PTPRN2: variants seen among roughly 807,000 people sequenced by gnomAD.
PTPRN2 encodes protein tyrosine phosphatase receptor type N2.
PTPRN2 carries 74 observed loss-of-function variants against 118.8 expected under a neutral mutation model. The observed-to-expected ratio is 0.62, with a 90% confidence interval of 0.52 to 0.76. PTPRN2 has a LOEUF of 0.76. Ranked by LOEUF, PTPRN2 falls within the 30% of genes least tolerant of loss-of-function variation. PTPRN2 has a pLI of 0.00. For missense variants in PTPRN2, 1,481 were observed against 1,394.4 expected (o/e 1.06, Z -0.99); for synonymous variants, 641 against 608.0 (o/e 1.05, Z -0.80).
intron 2 of PTPRN2, among the ~76,000 whole-genome samples, chr7:158,364,005 C>T (rs922193024): frequency 2.6e-5 from 4 of 152,174 alleles, no homozygotes; most frequent in East Asian, 1.9e-4. Context: ...TCCTGCCGGA[C>T]GCTGTTTCAT....
At chr7:158,586,702 TCC>T (rs1828943224) in intron 1 of PTPRN2, among the ~76,000 whole-genome samples, 2 of 152,134 alleles carry the variant, frequency 1.3e-5, no homozygotes, top group South Asian at 2.1e-4. Context: ...CTCCCTTTCC[TCC>T]CGCGGCTGCC....
chr7:157,834,710 G>A (rs1226356347), intron 12 of PTPRN2, among the ~76,000 whole-genome samples: 1 of 152,240 alleles, frequency 6.6e-6, no homozygotes, highest in Non-Finnish European at 1.5e-5. Context: ...ACGGGGCTGC[G>A]GGCCCAGCCT....
intron 6 of PTPRN2, among the ~76,000 whole-genome samples, chr7:158,163,019 T>A (rs2150575757): frequency 6.6e-6 from 1 of 152,298 alleles, no homozygotes; most frequent in African/African-American, 2.4e-5. Flanking sequence ...TTGCTCTTTG[T>A]GTGTTGAGAA....
chr7:158,344,099 A>T (rs2151246219), intron 2 of PTPRN2, among the ~76,000 whole-genome samples: 1 of 152,042 alleles, frequency 6.6e-6, no homozygotes, highest in Non-Finnish European at 1.5e-5. Context: ...TTCCAAAAAC[A>T]CAAAATGTCC....
chr7:158,331,279 C>T (rs62480882), intron 2 of PTPRN2, among the ~76,000 whole-genome samples: 2,766 of 59,638 alleles, frequency 0.046, 1 homozygote, highest in Middle Eastern at 0.094. Flanking sequence ...AGCTGACACC[C>T]GCAGACGTCA....
chr7:158,413,892 C>G (rs1329577350), intron 2 of PTPRN2, among the ~76,000 whole-genome samples: 1 of 152,104 alleles, frequency 6.6e-6, no homozygotes, highest in Admixed American at 6.5e-5. Flanking sequence ...GTAATCCCAG[C>G]ACTTTGGGAG....
chr7:158,320,118 C>T lies in PTPRN2; in HGVS notation c.164-3186G>A, dbSNP rs1028850110. 7.0e-5 allele frequency among the ~76,000 whole-genome samples: 6 copies of T among 86,024 alleles called. 2 individuals carry two copies. The highest frequency in any genetic ancestry group is 4.5e-4 in the Admixed American group (4 of 8,932). 56.4% of individuals were successfully genotyped at this position (86,024 alleles called of 152,430 possible). On this transcript the variant is annotated intron_variant, in intron 2 of 22. Coordinates refer to ENST00000389418, the MANE Select transcript of PTPRN2 (RefSeq NM_002847.5). ...TCACATAGTCTCCCTCACACACACA[C>T]ACAGCCTCCCTCACACACACAGCCT...
intron 11 of PTPRN2, among the ~76,000 whole-genome samples, chr7:157,925,379 T>C (rs1798920203): frequency 6.6e-6 from 1 of 152,202 alleles, no homozygotes; most frequent in South Asian, 2.1e-4. Context: ...TTTAGCACGT[T>C]GCTTTAGTAG....
intron 10 of PTPRN2, among the ~76,000 whole-genome samples, chr7:158,096,256 A>G (rs1390603623): frequency 1.3e-5 from 2 of 152,162 alleles, no homozygotes; most frequent in Non-Finnish European, 2.9e-5. Flanking sequence ...GAGTCTCAAG[A>G]TGGTACCAGC....
chr7:157,654,782 A>G lies in PTPRN2; in HGVS notation c.2196+1575T>C, dbSNP rs184603218. 3.9e-5 allele frequency among the ~76,000 whole-genome samples: 6 copies of G among 152,366 alleles called. No individual in the cohort carries two copies. In the East Asian group the frequency reaches 9.6e-4, roughly 24 times the overall value. The stretch of plus-strand genomic sequence containing the variant: ...TCCAGGTACCAATAGAGCTTGAGAT[A>G]TCATCAAATTGTTACTCAAGCACCT... On this transcript the variant is annotated intron_variant, in intron 14 of 22. Transcript: ENST00000389418.
At chr7:158,110,999 G>T in intron 9 of PTPRN2, 84 bp from the exon 10 acceptor site, 2 of 1,194,788 alleles carry the variant, frequency 1.7e-6, no homozygotes, top group Non-Finnish European at 2.3e-6. Flanking sequence ...CCACAGCCCC[G>T]CTCCCTGGTC....
At chr7:157,688,661 T>G (rs570619912) in intron 12 of PTPRN2, among the ~76,000 whole-genome samples, 8 of 152,194 alleles carry the variant, frequency 5.3e-5, no homozygotes, top group African/African-American at 1.9e-4. Flanking sequence ...AACCAGACCC[T>G]CTTCAGGACT....
At chr7:157,991,482 A>G (rs1189719146) in intron 11 of PTPRN2, among the ~76,000 whole-genome samples, 2 of 152,204 alleles carry the variant, frequency 1.3e-5, no homozygotes, top group African/African-American at 4.8e-5. Flanking sequence ...TCACTGAAGG[A>G]AACTCACAGA....
chr7:158,098,077 T>C (rs1814793643), intron 10 of PTPRN2, among the ~76,000 whole-genome samples: 1 of 152,008 alleles, frequency 6.6e-6, no homozygotes, highest in Non-Finnish European at 1.5e-5. Flanking sequence ...TGTGTGCCCG[T>C]GGCTGCTGGG....
At chr7:158,143,992 G>A (rs1162555498) in intron 6 of PTPRN2, among the ~76,000 whole-genome samples, 5 of 152,114 alleles carry the variant, frequency 3.3e-5, no homozygotes, top group African/African-American at 4.8e-5. Context: ...CTGCCCAGAC[G>A]ACCCCACTGC....
At chr7:158,388,145 C>T (rs1340451292) in intron 2 of PTPRN2, among the ~76,000 whole-genome samples, 1 of 152,134 alleles carries the variant, frequency 6.6e-6, no homozygotes, top group Non-Finnish European at 1.5e-5. Context: ...GTCGGCTTCA[C>T]TCTGCAGGTC....
intron 1 of PTPRN2, among the ~76,000 whole-genome samples, chr7:158,498,431 C>T (rs1015613403): frequency 6.6e-6 from 1 of 151,176 alleles, no homozygotes; most frequent in African/African-American, 2.4e-5. Context: ...TTTTAAAGTC[C>T]AGGAGTTACT....
chr7:158,512,072 C>T (rs1391229667), intron 1 of PTPRN2, among the ~76,000 whole-genome samples: 1 of 152,152 alleles, frequency 6.6e-6, no homozygotes, highest in Non-Finnish European at 1.5e-5. Flanking sequence ...TGCTTCAGAT[C>T]CCGGGACAGA....
chr7:158,137,993 C>T (rs903239950), intron 7 of PTPRN2, among the ~76,000 whole-genome samples: 1 of 152,194 alleles, frequency 6.6e-6, no homozygotes, highest in Non-Finnish European at 1.5e-5. Flanking sequence ...TTCACCGGTA[C>T]ACAGTCCAAA....
Sources: gnomAD v4.1 joint callset for allele counts (sites outside exome capture counted in the v4.1 genomes callset) on GRCh38, gnomAD v4.1.1 for gene constraint, MANE v1.5 for transcripts, NCBI Gene and HGNC (gene_info 2026-07-23, HGNC 2026-07-21) for gene names.